COG7: variants seen among roughly 807,000 people sequenced by gnomAD.
COG7 encodes conserved oligomeric Golgi complex subunit 7.
In COG7, 49 loss-of-function variants were observed where a neutral mutation model predicts 91.5. That is an observed-to-expected ratio of 0.54 (90% CI 0.43 to 0.68). The LOEUF is 0.68. COG7 is among the 30% of genes least tolerant of loss of function. The pLI is 0.00. For synonymous variants in COG7, 365 were observed against 388.7 expected (o/e 0.94, Z 0.72); for missense variants, 895 against 961.3 (o/e 0.93, Z 0.91).
chr16:23,398,209 G>C, intron 13 of COG7, 80 bp from the exon 14 acceptor site: 1 of 1,140,090 alleles, frequency 8.8e-7, no homozygotes, highest in Non-Finnish European at 1.3e-6. Context: ...TACACAAGAA[G>C]AACATGGCCT....
intron 1 of COG7, among the ~76,000 whole-genome samples, chr16:23,448,868 T>A (rs2142098383): frequency 6.6e-6 from 1 of 152,302 alleles, no homozygotes; most frequent in African/African-American, 2.4e-5. Context: ...ATAATAACTG[T>A]GCCTACCTCT....
At chr16:23,417,349 T>C (rs1963674081) in intron 8 of COG7, 1 of 585,938 alleles carries the variant, frequency 1.7e-6, no homozygotes, top group African/African-American at 1.9e-5. Context: ...TGATCGAATG[T>C]CTGTCTACTT....
chr16:23,390,924 C>T (rs1001957937), intron 16 of COG7, among the ~76,000 whole-genome samples: 8 of 152,246 alleles, frequency 5.3e-5, no homozygotes, highest in South Asian at 2.1e-4. Flanking sequence ...CTGCAAAGAG[C>T]GGGCCCACAG....
In COG7 at chr16:23,417,107, C is replaced by T. The variant is rs1963669591; in HGVS notation, c.1152G>A (p.Val384=). The T allele has an allele frequency of 4.3e-6, 7 of 1,614,236 alleles. No homozygotes were observed. In the South Asian group the frequency reaches 4.4e-5, roughly 10 times the overall value. ...GGCTCAGCTCCTGCACACAGTCAAT[C>T]ACTTCCCCATGCTCCTGGTCAGCAA... ...MSAVPLEHGE[V]IDCVQELSHS... is the part of the protein sequence containing the mutation. The change falls in exon 9 of 17, where the codon GTG becomes GTA. Residue 384 remains valine (V), a synonymous_variant. Transcript: ENST00000307149.
In COG7 at chr16:23,453,172, C is replaced by A. The variant is rs1176138618; in HGVS notation, c.-178G>T. 1.4e-6 allele frequency: 2 copies of A among 1,390,768 alleles called. No individual in the cohort carries two copies. Among genetic ancestry groups the A allele is most frequent in the Admixed American group, 5.6e-5 (2 of 35,788 alleles). The allele number at this position is 1,390,768 out of a possible 1,614,324, so 86.2% of individuals were successfully genotyped here. ...TTCCCCGCTCAGCGCACTCAGTTTGCGGCTGGGAATGACCCTCGCCGCCCG... is the reference window on the plus strand; with the variant it reads ...TTCCCCGCTCAGCGCACTCAGTTTGAGGCTGGGAATGACCCTCGCCGCCCG... On this transcript the variant is annotated 5_prime_UTR_variant, in exon 1 of 17. Transcript: ENST00000307149.
At chr16:23,398,871 C>A (rs1024655966) in intron 13 of COG7, among the ~76,000 whole-genome samples, 1 of 152,138 alleles carries the variant, frequency 6.6e-6, no homozygotes. Context: ...AAACATCTTC[C>A]GTGTTGTTGT....
At chr16:23,399,548 C>T (rs1963340952) in intron 13 of COG7, among the ~76,000 whole-genome samples, 1 of 151,924 alleles carries the variant, frequency 6.6e-6, no homozygotes, top group African/African-American at 2.4e-5. Context: ...CCCTGTACAC[C>T]CCCACACCTC....
intron 8 of COG7, among the ~76,000 whole-genome samples, chr16:23,417,646 C>T (rs542388630): frequency 1.3e-5 from 2 of 152,106 alleles, no homozygotes; most frequent in African/African-American, 2.4e-5. Flanking sequence ...GTAGTCCCAA[C>T]TACTGGGAAG....
intron 14 of COG7, chr16:23,393,675 T>C: frequency 8.8e-6 from 3 of 341,630 alleles, no homozygotes; most frequent in South Asian, 8.2e-5. Flanking sequence ...ATATAAGTAT[T>C]ATTACTGTTC....
At chr16:23,449,421 TAAAATAAAAA>T (rs1964231710) in intron 1 of COG7, among the ~76,000 whole-genome samples, 1 of 138,958 alleles carries the variant, frequency 7.2e-6, no homozygotes, top group Non-Finnish European at 1.6e-5. Flanking sequence ...TAAAATAAAA[TAAAATAAAAA>T]ATAAATAAAA....
intron 5 of COG7, among the ~76,000 whole-genome samples, chr16:23,433,909 C>A (rs1285657433): frequency 6.6e-6 from 1 of 152,108 alleles, no homozygotes; most frequent in Non-Finnish European, 1.5e-5. Context: ...ATTTATCCTG[C>A]CCTAAAAACA....
rs538388886 is a variant in COG7 at position 23,428,708 on chromosome 16, T to C, written c.811-3761A>G. ...GTTTCTTTTCTTTTTTTTTTTTTTT[T>C]TGAGATGGAGTCTCACTCTGTTGCC... On this transcript the variant is annotated intron_variant, in intron 6 of 16. Transcript: ENST00000307149. 7.9e-3 allele frequency among the ~76,000 whole-genome samples: 1,194 copies of C among 151,168 alleles called. 14 individuals are homozygous for C. Among genetic ancestry groups the C allele is most frequent in the Admixed American group, 0.014 (207 of 15,186 alleles).
chr16:23,417,210 G>A (rs1360239055), intron 8 of COG7, 89 bp from the exon 9 acceptor site: 2 of 1,358,992 alleles, frequency 1.5e-6, no homozygotes, highest in African/African-American at 2.8e-5. Flanking sequence ...CTCATCTGTA[G>A]TAAAATCACT....
intron 4 of COG7, among the ~76,000 whole-genome samples, chr16:23,440,602 C>T (rs748436614): frequency 3.1e-4 from 47 of 151,720 alleles, no homozygotes; most frequent in Non-Finnish European, 4.3e-4. Flanking sequence ...AGACTACAAG[C>T]GTGCGCTACC....
intron 13 of COG7, 53 bp downstream of exon 13, chr16:23,403,641 T>C (rs1464093397): frequency 6.2e-6 from 10 of 1,603,340 alleles, no homozygotes; most frequent in South Asian, 1.1e-5. Context: ...CTCAGTATGC[T>C]TGAGTTGGAG....
chr16:23,409,088 T>TGC (rs1555493328), intron 11 of COG7, among the ~76,000 whole-genome samples: 5 of 147,802 alleles, frequency 3.4e-5, no homozygotes, highest in African/African-American at 1.0e-4. Context: ...TGTGTGTGTG[T>TGC]GCGTGCATGT....
At chr16:23,418,577 C>T in intron 8 of COG7, 123 bp downstream of exon 8, 1 of 795,876 alleles carries the variant, frequency 1.3e-6, no homozygotes, top group Admixed American at 1.9e-5. Flanking sequence ...TACAAGAGCC[C>T]ACAAGTGCTT....
At position 23,398,118 on chromosome 16, in the gene COG7, C is replaced by T. The variant is rs115624763; in HGVS notation, c.1815G>A (p.Thr605=). 20 of 1,614,066 alleles carry T rather than the reference C, an allele frequency of 1.2e-5. No individual in the cohort carries two copies. The East Asian group carries it at 4.2e-4, about 34-fold the overall frequency. ...CTGTGAGGGTTTCTCCGATGCCAGCCGTATTCCAGCTCTAAGGGTGGAACG... is the reference window on the plus strand; with the variant it reads ...CTGTGAGGGTTTCTCCGATGCCAGCTGTATTCCAGCTCTAAGGGTGGAACG... ...LLISKMDSWN[T]AGIGETLTDE... is the part of the protein sequence containing the mutation. The change falls in exon 14 of 17, where the codon ACG becomes ACA. Residue 605 remains threonine (T), a synonymous_variant. Coordinates refer to ENST00000307149, the MANE Select transcript of COG7 (RefSeq NM_153603.4).
intron 14 of COG7, among the ~76,000 whole-genome samples, chr16:23,395,112 C>T (rs1024079310): frequency 1.3e-5 from 2 of 152,010 alleles, no homozygotes; most frequent in African/African-American, 4.8e-5. Flanking sequence ...CCTGGACTGG[C>T]GTCCCTTTAT....
Sources: gnomAD v4.1 joint callset for allele counts (sites outside exome capture counted in the v4.1 genomes callset) on GRCh38, gnomAD v4.1.1 for gene constraint, MANE v1.5 for transcripts, NCBI Gene and HGNC (gene_info 2026-07-23, HGNC 2026-07-21) for gene names.